SCFD1: variants seen among roughly 807,000 people sequenced by gnomAD.
The protein encoded by SCFD1 is sec1 family domain containing 1.
In SCFD1, 37 loss-of-function variants were observed where a neutral mutation model predicts 103.2. The observed-to-expected ratio is 0.36, with a 90% CI of 0.28 to 0.47. SCFD1 has a LOEUF of 0.47. Ranked by LOEUF, SCFD1 falls within the 20% of genes least tolerant of loss-of-function variation. The pLI is 1.00. For synonymous variants in SCFD1, 264 were observed against 245.0 expected (o/e 1.08, Z -0.73); for missense variants, 639 against 761.2 (o/e 0.84, Z 1.89).
chr14:30,706,035 T>A (rs1210564571), intron 18 of SCFD1, 150 bp downstream of exon 18: 2 of 579,718 alleles, frequency 3.4e-6, no homozygotes, highest in African/African-American at 3.8e-5. Flanking sequence ...CTCCTGGTTT[T>A]TTTTTTCTAT....
intron 2 of SCFD1, among the ~76,000 whole-genome samples, chr14:30,628,552 T>C (rs1186304790): frequency 1.3e-5 from 2 of 152,218 alleles, no homozygotes; most frequent in Non-Finnish European, 2.9e-5. Flanking sequence ...TGATATTTTG[T>C]TCCTTAGCTT....
At chr14:30,721,533 G>C (rs545172556) in intron 21 of SCFD1, among the ~76,000 whole-genome samples, 4 of 148,918 alleles carry the variant, frequency 2.7e-5, no homozygotes, top group Non-Finnish European at 5.9e-5. Context: ...TATTGAGTTT[G>C]GTAAAAATTT....
intron 23 of SCFD1, among the ~76,000 whole-genome samples, chr14:30,728,082 A>C (rs558312802): frequency 6.6e-6 from 1 of 152,178 alleles, no homozygotes; most frequent in Non-Finnish European, 1.5e-5. Context: ...AAAAAGAAAA[A>C]TGTTCAGAAA....
intron 19 of SCFD1, among the ~76,000 whole-genome samples, chr14:30,708,777 G>A (rs1243821911): frequency 6.6e-6 from 1 of 152,026 alleles, no homozygotes; most frequent in Non-Finnish European, 1.5e-5. Flanking sequence ...TATATTTGGG[G>A]ATAATAAAAT....
intron 14 of SCFD1, among the ~76,000 whole-genome samples, chr14:30,680,371 A>AC (rs1317747442): frequency 1.3e-5 from 2 of 152,238 alleles, no homozygotes; most frequent in Admixed American, 6.5e-5. Context: ...GGGAGAATGA[A>AC]CTTTTTTTTT....
intron 17 of SCFD1, among the ~76,000 whole-genome samples, chr14:30,703,964 A>ATATATAT (rs1182473460): frequency 1.7e-4 from 6 of 35,144 alleles, no homozygotes; most frequent in South Asian, 8.8e-4. Context: ...TATATATATA[A>ATATATAT]ATAATGAGAT....
intron 11 of SCFD1, 25 bp from the exon 12 acceptor site, chr14:30,673,230 CAT>C: frequency 1.6e-6 from 2 of 1,262,414 alleles, no homozygotes; most frequent in Non-Finnish European, 2.2e-6. Flanking sequence ...ATGTCATCCT[CAT>C]AGTTCTTGTG....
intron 23 of SCFD1, among the ~76,000 whole-genome samples, chr14:30,729,256 C>A (rs1168406945): frequency 6.6e-6 from 1 of 151,936 alleles, no homozygotes; most frequent in Non-Finnish European, 1.5e-5. Flanking sequence ...CGGCGAAGTC[C>A]AGTGTATCTC....
intron 3 of SCFD1, among the ~76,000 whole-genome samples, chr14:30,631,341 A>G (rs758504902): frequency 2.0e-5 from 3 of 152,178 alleles, no homozygotes; most frequent in Non-Finnish European, 2.9e-5. Context: ...CAAAAGAGCA[A>G]GACTCTGTCT....
rs749575904 is a variant in SCFD1 at position 30,675,106 on chromosome 14, T to TA, written c.1242+42dup. The TA allele has an allele frequency of 2.9e-5, 32 of 1,109,544 alleles. No homozygotes were observed. The Middle Eastern group carries it at 1.6e-3, about 56-fold the overall frequency. The allele number at this position is 1,109,544 out of a possible 1,614,324, so 68.7% of individuals were successfully genotyped here. A position where few individuals can be genotyped will look rare whatever the true frequency, so the allele number is the denominator to read the frequency against. On this transcript the variant is annotated intron_variant, in intron 14 of 24. Coordinates refer to ENST00000458591, the MANE Select transcript of SCFD1 (RefSeq NM_016106.4). ...TCCCCCCCACAATATGACTTGCATT[T>TA]ACATAGGGTTTTATACTTTGTAAGA...
chr14:30,656,996 C>A (rs997974140), intron 10 of SCFD1, among the ~76,000 whole-genome samples: 42 of 151,946 alleles, frequency 2.8e-4, no homozygotes, highest in Non-Finnish European at 1.2e-4. Context: ...TATTGGTAGT[C>A]TCAAATCATA....
chr14:30,665,737 G>A (rs1475330795), intron 10 of SCFD1, among the ~76,000 whole-genome samples: 2 of 152,002 alleles, frequency 1.3e-5, no homozygotes, highest in East Asian at 3.9e-4. Flanking sequence ...AGCAGGGGTT[G>A]CAATCCTAGT....
At chr14:30,675,826 A>G (rs1888988296) in intron 14 of SCFD1, among the ~76,000 whole-genome samples, 1 of 152,232 alleles carries the variant, frequency 6.6e-6, no homozygotes, top group Non-Finnish European at 1.5e-5. Flanking sequence ...AAGGTACTTA[A>G]AGGTATTATT....
intron 2 of SCFD1, 50 bp downstream of exon 2, chr14:30,628,329 T>C: frequency 8.5e-7 from 1 of 1,170,672 alleles, no homozygotes; most frequent in Non-Finnish European, 1.3e-6. Flanking sequence ...TCAGCCCTTA[T>C]TGGTGGTAAT....
At chr14:30,732,068 T>C (rs554147649) in intron 23 of SCFD1, among the ~76,000 whole-genome samples, 1 of 152,360 alleles carries the variant, frequency 6.6e-6, no homozygotes, top group Non-Finnish European at 1.5e-5. Context: ...CATGAAGGGC[T>C]GTTGAATTTT....
At chr14:30,643,236 T>G in intron 6 of SCFD1, 80 bp from the exon 7 acceptor site, 2 of 918,332 alleles carry the variant, frequency 2.2e-6, no homozygotes, top group Admixed American at 4.1e-5. Flanking sequence ...AATTAAGAAT[T>G]TAGTAATAAT....
At chr14:30,647,794 G>T (rs573889593) in intron 7 of SCFD1, among the ~76,000 whole-genome samples, 64 of 152,138 alleles carry the variant, frequency 4.2e-4, no homozygotes, top group African/African-American at 1.4e-3. Flanking sequence ...GGGATTATAG[G>T]CATGCTCTAC....
At chr14:30,632,555 G>C (rs1884287040) in intron 3 of SCFD1, among the ~76,000 whole-genome samples, 1 of 152,140 alleles carries the variant, frequency 6.6e-6, no homozygotes, top group South Asian at 2.1e-4. Flanking sequence ...AAGCAGGTTT[G>C]CTTTGATAAT....
intron 1 of SCFD1, among the ~76,000 whole-genome samples, chr14:30,627,304 C>G (rs973132744): frequency 2.6e-5 from 4 of 152,052 alleles, no homozygotes; most frequent in African/African-American, 9.7e-5. Context: ...TCTGTTTTCC[C>G]AAGGGACATA....
Sources: allele counts gnomAD v4.1 joint callset (sites outside exome capture counted in the v4.1 genomes callset), GRCh38; gene constraint gnomAD v4.1.1; transcripts MANE v1.5; gene names NCBI Gene and HGNC (gene_info 2026-07-23, HGNC 2026-07-21).